RNF150: variants seen among roughly 807,000 people sequenced by gnomAD.
The protein encoded by RNF150 is ring finger protein 150.
In RNF150, 24 loss-of-function variants were observed where a neutral mutation model predicts 39.3. The observed-to-expected ratio is 0.61, with a 90% CI of 0.44 to 0.86. RNF150 has a LOEUF of 0.86. RNF150 is among the 40% of genes least tolerant of loss of function. The pLI, the probability that RNF150 is intolerant of heterozygous loss-of-function variation, is 0.00. For missense variants in RNF150, 502 were observed against 587.8 expected (o/e 0.85, Z 1.51); for synonymous variants, 255 against 227.3 (o/e 1.12, Z -1.10).
At chr4:141,201,013 T>G (rs6850055) in intron 1 of RNF150, among the ~76,000 whole-genome samples, 43,885 of 151,976 alleles carry the variant, frequency 0.29, 6,727 homozygotes, top group African/African-American at 0.39. Flanking sequence ...GTAATTCACT[T>G]GCCCACAGAA....
chr4:141,147,004 C>T (rs551069354), intron 1 of RNF150, among the ~76,000 whole-genome samples: 129 of 152,260 alleles, frequency 8.5e-4, no homozygotes, highest in African/African-American at 2.9e-3. Context: ...CTCTGTCACC[C>T]AGGCTGAAGT....
At chr4:141,144,515 G>A (rs1727170306) in intron 1 of RNF150, among the ~76,000 whole-genome samples, 1 of 152,108 alleles carries the variant, frequency 6.6e-6, no homozygotes, top group South Asian at 2.1e-4. Context: ...ATTCTATGCA[G>A]GAGAATTGCC....
chr4:141,077,097 G>A (rs994959011), intron 1 of RNF150, among the ~76,000 whole-genome samples: 1 of 152,064 alleles, frequency 6.6e-6, no homozygotes, highest in Non-Finnish European at 1.5e-5. Flanking sequence ...TATCATATTG[G>A]GGGAGAAGAA....
At chr4:140,977,805 T>C (rs1019712915) in intron 1 of RNF150, among the ~76,000 whole-genome samples, 2 of 152,176 alleles carry the variant, frequency 1.3e-5, no homozygotes, top group African/African-American at 4.8e-5. Context: ...CATATTACAC[T>C]AAATTATTGC....
intron 1 of RNF150, among the ~76,000 whole-genome samples, chr4:141,032,097 T>C (rs1735971611): frequency 6.6e-6 from 1 of 151,682 alleles, no homozygotes; most frequent in African/African-American, 2.4e-5. Context: ...CACAGTGAAA[T>C]ATTCAGCCTT....
At chr4:140,871,358 T>A (rs1261416140) in intron 6 of RNF150, among the ~76,000 whole-genome samples, 3 of 152,234 alleles carry the variant, frequency 2.0e-5, no homozygotes, top group Non-Finnish European at 4.4e-5. Context: ...ATTTTTGCAA[T>A]TTTTTTCTTA....
intron 1 of RNF150, among the ~76,000 whole-genome samples, chr4:141,072,571 A>G (rs1435876625): frequency 6.6e-6 from 1 of 152,252 alleles, no homozygotes; most frequent in African/African-American, 2.4e-5. Context: ...AAGTGATATA[A>G]GAGTGTAAAC....
intron 1 of RNF150, among the ~76,000 whole-genome samples, chr4:141,145,993 C>T (rs1258213963): frequency 6.6e-6 from 1 of 152,216 alleles, no homozygotes; most frequent in African/African-American, 2.4e-5. Flanking sequence ...CTTCCACCTA[C>T]TGTTCATTGC....
chr4:140,935,032 AATATATATATATAAATATATATATT>A (rs1731793108), intron 4 of RNF150, among the ~76,000 whole-genome samples: 1 of 9,332 alleles, frequency 1.1e-4, no homozygotes, highest in African/African-American at 3.0e-4. Context: ...ATATATTTAT[AATATATATATATAAATATATATATT>A]ATATATATAT....
chr4:140,923,050 A>C (rs1463880256), intron 5 of RNF150, among the ~76,000 whole-genome samples: 1 of 150,838 alleles, frequency 6.6e-6, no homozygotes. Context: ...CATTCAGGAC[A>C]TAGGCATGGG....
chr4:141,122,045 C>A (rs758598991), intron 1 of RNF150, among the ~76,000 whole-genome samples: 4 of 152,118 alleles, frequency 2.6e-5, no homozygotes, highest in Non-Finnish European at 5.9e-5. Context: ...GGGTGGAGAT[C>A]ACTGATCTCA....
chr4:140,924,776 A>G (rs535232052), intron 5 of RNF150, among the ~76,000 whole-genome samples: 2 of 152,290 alleles, frequency 1.3e-5, no homozygotes, highest in Admixed American at 1.3e-4. Context: ...AATTTAATGC[A>G]TTATCTTTAA....
intron 1 of RNF150, among the ~76,000 whole-genome samples, chr4:141,082,778 C>T (rs1442881387): frequency 1.3e-5 from 2 of 151,750 alleles, no homozygotes; most frequent in African/African-American, 2.4e-5. Context: ...TTAGTAGAGA[C>T]GGGGTTTCAC....
intron 1 of RNF150, among the ~76,000 whole-genome samples, chr4:140,984,999 C>T (rs79502066): frequency 0.035 from 5,259 of 152,140 alleles, 320 homozygotes; most frequent in African/African-American, 0.12. Flanking sequence ...AATGGCTTGG[C>T]CCTGAATTTT....
intron 1 of RNF150, among the ~76,000 whole-genome samples, chr4:141,023,944 A>C (rs908956339): frequency 1.3e-5 from 2 of 152,188 alleles, no homozygotes; most frequent in Non-Finnish European, 2.9e-5. Context: ...ATACTCTTCT[A>C]ATGAAACCCT....
chr4:140,962,953 A>G (rs116921558), intron 2 of RNF150, among the ~76,000 whole-genome samples: 2,366 of 152,126 alleles, frequency 0.016, 56 homozygotes, highest in Admixed American at 0.048. Context: ...AACATAAAAC[A>G]TACATGGATA....
At chr4:141,107,103 T>C (rs1031386060) in intron 1 of RNF150, among the ~76,000 whole-genome samples, 1 of 152,194 alleles carries the variant, frequency 6.6e-6, no homozygotes, top group Non-Finnish European at 1.5e-5. Context: ...CTAATGTTCC[T>C]AGAAATAAAG....
At chr4:141,167,370 C>A (rs964050629) in intron 1 of RNF150, among the ~76,000 whole-genome samples, 2 of 152,098 alleles carry the variant, frequency 1.3e-5, no homozygotes, top group Non-Finnish European at 2.9e-5. Context: ...GCCATACTGC[C>A]CAGAGTAATT....
chr4:140,898,328 C>G (rs769247333), intron 6 of RNF150, among the ~76,000 whole-genome samples: 5 of 149,608 alleles, frequency 3.3e-5, no homozygotes, highest in South Asian at 2.1e-4. Flanking sequence ...GCTGCAACTA[C>G]AGTTTCATTT....
Sources: gnomAD v4.1 joint callset for allele counts (sites outside exome capture counted in the v4.1 genomes callset) on GRCh38, gnomAD v4.1.1 for gene constraint, MANE v1.5 for transcripts, NCBI Gene and HGNC (gene_info 2026-07-23, HGNC 2026-07-21) for gene names.